The following ZNF253 variants were observed in gnomAD, a reference collection of about 807,000 sequenced individuals.
ZNF253 encodes zinc finger protein 253, also known as DNA-binding protein.
A neutral mutation model predicts 11.9 loss-of-function variants in ZNF253; 8 were observed. The ratio of observed to expected loss-of-function variants is 0.67; its 90% CI spans 0.40 to 1.22. ZNF253 has a LOEUF of 1.22. Ranked by LOEUF, ZNF253 falls within the 50% of genes most tolerant of loss-of-function variation. The probability of loss-of-function intolerance (pLI) is 0.01; values close to 1 mark genes in which losing one functional copy is unlikely to be tolerated. For missense variants in ZNF253, 485 were observed against 586.9 expected (o/e 0.83, Z 1.79); for synonymous variants, 194 against 194.9 (o/e 1.00, Z 0.04).
At chr19:19,883,193 C>T (rs1473236557) in intron 3 of ZNF253, among the ~76,000 whole-genome samples, 1 of 152,044 alleles carries the variant, frequency 6.6e-6, no homozygotes, top group African/African-American at 2.4e-5. Flanking sequence ...GTGAGAAAAG[C>T]ACTTTTGTGA....
chr19:19,880,291 T>C (rs1330992384), intron 3 of ZNF253, 145 bp downstream of exon 3: 5 of 509,028 alleles, frequency 9.8e-6, no homozygotes, highest in Non-Finnish European at 3.3e-6. Context: ...TTTTTTTTTT[T>C]TCTCCCACAA....
chr19:19,866,314 G>A (rs1045033503), intron 1 of ZNF253, among the ~76,000 whole-genome samples: 1 of 152,162 alleles, frequency 6.6e-6, no homozygotes, highest in Non-Finnish European at 1.5e-5. Context: ...TTCCCTGCGG[G>A]TTCATGAATG....
At chr19:19,891,080 T>G (rs924285056) in intron 3 of ZNF253, among the ~76,000 whole-genome samples, 3 of 151,994 alleles carry the variant, frequency 2.0e-5, no homozygotes, top group African/African-American at 7.3e-5. Flanking sequence ...GACCTCATGA[T>G]CCACCCACCT....
intron 1 of ZNF253, among the ~76,000 whole-genome samples, chr19:19,869,775 T>G (rs1233527777): frequency 2.0e-5 from 3 of 149,336 alleles, no homozygotes; most frequent in Non-Finnish European, 3.0e-5. Flanking sequence ...TTTCAAGTAA[T>G]TCTCCTGCCT....
Position 19,874,202 on chromosome 19 carries a change from G to A in ZNF253, c.4-4279G>A, listed in dbSNP as rs199810789. Among the ~76,000 whole-genome samples the A allele has an allele frequency of 3.2e-4, 48 of 150,978 alleles. No individual in the cohort carries two copies. In the East Asian group the frequency reaches 8.8e-3, roughly 28 times the overall value. On this transcript the variant is annotated intron_variant, in intron 1 of 3. Coordinates refer to ENST00000589717, the MANE Select transcript of ZNF253 (RefSeq NM_021047.3). ...TGGGATTACAGGCAGGAGCCACCGCGCCCAGCCACATATTTATTTTCTAAT... is the reference window on the plus strand; with the variant it reads ...TGGGATTACAGGCAGGAGCCACCGCACCCAGCCACATATTTATTTTCTAAT...
At chr19:19,877,387 T>G (rs2063160040) in intron 1 of ZNF253, among the ~76,000 whole-genome samples, 1 of 152,040 alleles carries the variant, frequency 6.6e-6, no homozygotes. Flanking sequence ...CTTCTTTTTT[T>G]TTTTTTAAGA....
chr19:19,892,267 C>T lies in ZNF253; in HGVS notation c.1020C>T (p.Tyr340=), dbSNP rs1344044500. The part of the protein sequence containing the change: ...HKRIHTGEKP[Y]KCEECGKAFH... Reference sequence around the variant, plus strand: ...GAATTCATACAGGAGAGAAACCCTACAAATGTGAAGAATGTGGCAAAGCCT... The same window carrying T: ...GAATTCATACAGGAGAGAAACCCTATAAATGTGAAGAATGTGGCAAAGCCT... Residue 340 remains tyrosine (Y), a synonymous_variant, in exon 4 of 4, where the codon TAC becomes TAT. Transcript: ENST00000589717. The T allele has an allele frequency of 1.9e-6, 3 of 1,611,570 alleles. No individual in the cohort carries two copies. The highest frequency in any genetic ancestry group is 2.5e-6 in the Non-Finnish European group (3 of 1,178,148).
intron 3 of ZNF253, among the ~76,000 whole-genome samples, chr19:19,880,656 G>A (rs956249223): frequency 6.6e-6 from 1 of 150,836 alleles, no homozygotes; most frequent in Admixed American, 6.6e-5. Flanking sequence ...AGTGAGCCGA[G>A]ATCATGCCAT....
At chr19:19,874,878 C>T (rs966692099) in intron 1 of ZNF253, among the ~76,000 whole-genome samples, 1 of 152,150 alleles carries the variant, frequency 6.6e-6, no homozygotes, top group African/African-American at 2.4e-5. Context: ...CGCCACTGCA[C>T]TCCAGCCTGG....
chr19:19,869,674 TTTTTTTTTTTTTTA>T (rs1187292500), intron 1 of ZNF253, among the ~76,000 whole-genome samples: 1 of 120,908 alleles, frequency 8.3e-6, no homozygotes, highest in Non-Finnish European at 1.6e-5. Context: ...TTTTTTTTTT[TTTTTTTTTTTTTTA>T]AAAAACAGTC....
chr19:19,880,279 T>TG (rs2063172380), intron 3 of ZNF253, 133 bp downstream of exon 3: 1 of 496,460 alleles, frequency 2.0e-6, no homozygotes, highest in Admixed American at 3.9e-5. Context: ...AGCTGTTTTT[T>TG]TTTTTTTTTT....
intron 3 of ZNF253, 90 bp downstream of exon 3, chr19:19,880,236 G>A: frequency 2.1e-6 from 2 of 940,214 alleles, no homozygotes; most frequent in Non-Finnish European, 1.5e-6. Flanking sequence ...TGTGATTCTG[G>A]AAGCTGTGTT....
rs1280725467 is a variant in ZNF253, at chr19:19,885,349, T to TCTTC, written c.226+5206_226+5207insCCTT. 9.0e-5 allele frequency among the ~76,000 whole-genome samples: 6 copies of TCTTC among 66,840 alleles called. 2 individuals carry two copies. The highest frequency in any genetic ancestry group is 1.4e-4 in the Non-Finnish European group (6 of 42,136). 43.8% of individuals were successfully genotyped at this position (66,840 alleles called of 152,430 possible). On this transcript the variant is annotated intron_variant, in intron 3 of 3. Coordinates refer to ENST00000589717, the MANE Select transcript of ZNF253 (RefSeq NM_021047.3). ...TTCTTTCTTTCTTTCTTTCTTTCTT[T>TCTTC]CTTTCTTCCTTTCTTTTCTTTCTTT...
intron 3 of ZNF253, among the ~76,000 whole-genome samples, chr19:19,887,336 G>A (rs1180445031): frequency 6.6e-6 from 1 of 151,452 alleles, no homozygotes; most frequent in African/African-American, 2.4e-5. Context: ...CACTCTTGTT[G>A]CTCAGGCTGA....
chr19:19,876,838 A>C (rs1882519007), intron 1 of ZNF253, among the ~76,000 whole-genome samples: 1 of 151,988 alleles, frequency 6.6e-6, no homozygotes, highest in Non-Finnish European at 1.5e-5. Context: ...AGTTTGGTTT[A>C]AGTACTTCTT....
chr19:19,889,152 T>C (rs1048258417), intron 3 of ZNF253, among the ~76,000 whole-genome samples: 1 of 151,954 alleles, frequency 6.6e-6, no homozygotes, highest in Admixed American at 6.5e-5. Context: ...CCTAGTTTGT[T>C]CAGCTTCTTC....
At chr19:19,879,248 C>T (rs1021904039) in intron 2 of ZNF253, among the ~76,000 whole-genome samples, 1 of 151,946 alleles carries the variant, frequency 6.6e-6, no homozygotes, top group African/African-American at 2.4e-5. Flanking sequence ...ATTAAGTTCA[C>T]ACATAATCTA....
At chr19:19,877,712 A>G (rs1259616046) in intron 1 of ZNF253, among the ~76,000 whole-genome samples, 1 of 152,068 alleles carries the variant, frequency 6.6e-6, no homozygotes, top group East Asian at 1.9e-4. Context: ...CACATCATAA[A>G]AATTTGTCCT....
chr19:19,884,999 G>C (rs974847869), intron 3 of ZNF253, among the ~76,000 whole-genome samples: 2 of 151,988 alleles, frequency 1.3e-5, no homozygotes, highest in African/African-American at 4.8e-5. Context: ...AGTTTTAAGA[G>C]TCATTTATAT....
Sources: allele counts gnomAD v4.1 joint callset (sites outside exome capture counted in the v4.1 genomes callset), GRCh38; gene constraint gnomAD v4.1.1; transcripts MANE v1.5; gene names NCBI Gene and HGNC (gene_info 2026-07-23, HGNC 2026-07-21).